Variants in MICAL3 observed in about 807,000 individuals in gnomAD.
MICAL3 encodes the protein [F-actin]-monooxygenase MICAL3.
MICAL3 carries 62 observed loss-of-function variants against 207.4 expected under a neutral mutation model. That is an observed-to-expected ratio of 0.30 (90% CI 0.24 to 0.37). The LOEUF (loss-of-function observed/expected upper bound fraction) is 0.37, where lower values mean the gene tolerates loss of function less well. MICAL3 is among the 10% of genes least tolerant of loss of function. The pLI is 1.00. For missense variants in MICAL3, 2,368 were observed against 2,635.6 expected (o/e 0.90, Z 2.22); for synonymous variants, 1,077 against 1,069.3 (o/e 1.01, Z -0.14).
chr22:17,991,442 C>T (rs924535248), intron 1 of MICAL3, among the ~76,000 whole-genome samples: 1 of 152,202 alleles, frequency 6.6e-6, no homozygotes, highest in Non-Finnish European at 1.5e-5. Context: ...CGTACAGATA[C>T]ACACTAGTTT....
At chr22:17,943,777 T>A (rs931601898) in intron 1 of MICAL3, among the ~76,000 whole-genome samples, 12 of 152,336 alleles carry the variant, frequency 7.9e-5, no homozygotes, top group Admixed American at 5.2e-4. Context: ...TGCCATGACA[T>A]CATCAGCCAC....
intron 1 of MICAL3, chr22:18,004,928 A>ATTT (rs372054826): frequency 7.1e-6 from 1 of 140,948 alleles, no homozygotes. Flanking sequence ...TTTTATTTTT[A>ATTT]TTTTGTTTTT....
At chr22:17,880,461 T>C (rs1050820676) in intron 16 of MICAL3, among the ~76,000 whole-genome samples, 1 of 152,204 alleles carries the variant, frequency 6.6e-6, no homozygotes, top group African/African-American at 2.4e-5. Flanking sequence ...CTGAGAACCA[T>C]GGACACAGGT....
At chr22:17,833,724 A>C (rs1038653559) in intron 20 of MICAL3, among the ~76,000 whole-genome samples, 1 of 152,196 alleles carries the variant, frequency 6.6e-6, no homozygotes, top group Non-Finnish European at 1.5e-5. Flanking sequence ...GTAGCACGGT[A>C]TCCAGTGACC....
chr22:17,842,743 C>T (rs2146076959), intron 19 of MICAL3, among the ~76,000 whole-genome samples: 1 of 152,348 alleles, frequency 6.6e-6, no homozygotes. Flanking sequence ...TGCCTGCGTC[C>T]TTTCACCCTG....
intron 7 of MICAL3, among the ~76,000 whole-genome samples, chr22:17,898,258 A>G (rs748073968): frequency 3.3e-5 from 5 of 152,212 alleles, no homozygotes; most frequent in Non-Finnish European, 7.3e-5. Flanking sequence ...TTCACTGGCT[A>G]TTTCTTACTG....
At chr22:17,807,437 A>C (rs1177953312) in intron 29 of MICAL3, among the ~76,000 whole-genome samples, 1 of 152,222 alleles carries the variant, frequency 6.6e-6, no homozygotes, top group African/African-American at 2.4e-5. Context: ...AACACATCCC[A>C]GTCGTCTCAG....
chr22:17,904,969 T>C (rs1462748576), intron 2 of MICAL3, 130 bp from the exon 3 acceptor site: 1 of 700,676 alleles, frequency 1.4e-6, no homozygotes, highest in Non-Finnish European at 2.5e-6. Context: ...CCAAGAAACC[T>C]TCACACCTAC....
At chr22:17,996,633 C>G (rs539346628) in intron 1 of MICAL3, among the ~76,000 whole-genome samples, 10 of 152,216 alleles carry the variant, frequency 6.6e-5, no homozygotes, top group African/African-American at 2.4e-4. Context: ...ATCCAAGCAC[C>G]TGAGTGTCTG....
intron 1 of MICAL3, among the ~76,000 whole-genome samples, chr22:17,994,370 G>C (rs1318308547): frequency 6.6e-6 from 1 of 152,148 alleles, no homozygotes; most frequent in Non-Finnish European, 1.5e-5. Context: ...TCCTCTCTTG[G>C]CTTCCAACAC....
chr22:17,919,147 T>G (rs1184807041), intron 1 of MICAL3, among the ~76,000 whole-genome samples: 1 of 149,952 alleles, frequency 6.7e-6, no homozygotes, highest in South Asian at 2.1e-4. Flanking sequence ...CATAGCTCAG[T>G]GCAGCTTCCT....
At chr22:17,941,112 G>A (rs1331680945) in intron 1 of MICAL3, among the ~76,000 whole-genome samples, 2 of 152,180 alleles carry the variant, frequency 1.3e-5, no homozygotes, top group African/African-American at 2.4e-5. Context: ...CACAGCAGGT[G>A]CTTCATCCAC....
At position 17,808,894 on chromosome 22, in the gene MICAL3, C is replaced by T. The variant is rs910992882; in HGVS notation, c.5600G>A (p.Arg1867Gln). The T allele has an allele frequency of 1.9e-5, 30 of 1,553,616 alleles. 1 individual carries two copies. Among genetic ancestry groups the T allele is most frequent in the Middle Eastern group, 1.7e-4 (1 of 6,020 alleles). Reference protein sequence around the residue: ...QLQQVEERQRRLEERGVAVEK... With the variant: ...QLQQVEERQRQLEERGVAVEK... ...CACAGCCACGCCCCTTTCCTCCAGC[C>T]GCCGCTGCCTCTCCTCCACCTGCTG... The change falls in exon 29 of 32, where the codon CGG (arginine) becomes CAG (glutamine). Residue 1867 changes from arginine (R) to glutamine (Q), a missense_variant. By Grantham distance (43) the Arg-to-Gln change is conservative. Around this residue, in one of 4 missense-constraint regions of MICAL3, gnomAD observed 1,770 missense variants for 1,863.2 expected, o/e 0.95. Coordinates refer to ENST00000441493, the MANE Select transcript of MICAL3 (RefSeq NM_015241.3).
chr22:17,846,940 C>G (rs1924689949), intron 19 of MICAL3, among the ~76,000 whole-genome samples: 1 of 152,158 alleles, frequency 6.6e-6, no homozygotes, highest in Non-Finnish European at 1.5e-5. Context: ...TTGGAAGAGT[C>G]ACTGCCTGCA....
Position 17,815,969 on chromosome 22 carries a change from A to G in MICAL3, c.5445+721T>C, listed in dbSNP as rs376275069. 5.1e-4 allele frequency among the ~76,000 whole-genome samples: 77 copies of G among 152,280 alleles called. 3 individuals are homozygous for G. In the South Asian group the frequency reaches 0.015, roughly 30 times the overall value. On this transcript the variant is annotated intron_variant, in intron 27 of 31. Transcript: ENST00000441493. ...TCGGGAAGCTTTTGACGCAAAAGGG[A>G]GGCAGGAAGCAGGAGACAGCCGGGT...
intron 29 of MICAL3, among the ~76,000 whole-genome samples, chr22:17,802,019 C>T (rs181611561): frequency 2.1e-3 from 312 of 151,924 alleles, no homozygotes; most frequent in African/African-American, 7.3e-3. Context: ...CCTAAAGAAA[C>T]GCGTTCTGAC....
intron 1 of MICAL3, among the ~76,000 whole-genome samples, chr22:17,974,738 A>AG (rs2146419263): frequency 6.6e-6 from 1 of 152,016 alleles, no homozygotes; most frequent in East Asian, 1.9e-4. Flanking sequence ...AAAAAAAAAA[A>AG]AAAAAAAAGC....
At chr22:17,980,771 T>C in intron 1 of MICAL3, 2 of 465,418 alleles carry the variant, frequency 4.3e-6, no homozygotes, top group South Asian at 1.5e-5. Flanking sequence ...CGTCTTATCA[T>C]TCCGCGGCAG....
At chr22:18,018,984 G>C (rs866257175) in intron 1 of MICAL3, among the ~76,000 whole-genome samples, 82 of 152,264 alleles carry the variant, frequency 5.4e-4, no homozygotes, top group African/African-American at 1.8e-3. Flanking sequence ...TTGAGCCCAG[G>C]AGTTGGAGGC....
Sources: allele counts gnomAD v4.1 joint callset (sites outside exome capture counted in the v4.1 genomes callset), GRCh38; gene constraint gnomAD v4.1.1; regional missense constraint gnomAD v4.1.1; transcripts MANE v1.5; gene names NCBI Gene and HGNC (gene_info 2026-07-23, HGNC 2026-07-21).